The following TBC1D16 variants were observed in gnomAD, a reference collection of about 807,000 sequenced individuals.
TBC1D16 encodes the protein TBC1 domain family member 16.
A neutral mutation model predicts 74.7 loss-of-function variants in TBC1D16; 58 were observed. The ratio of observed to expected loss-of-function variants is 0.78; its 90% CI spans 0.63 to 0.97. The LOEUF (loss-of-function observed/expected upper bound fraction) is 0.97. Among genes scored for constraint, TBC1D16 ranks in the 50% least tolerant of loss-of-function variants. TBC1D16 has a pLI of 0.00. For missense variants in TBC1D16, 1,014 were observed against 1,079.5 expected (o/e 0.94, Z 0.85); for synonymous variants, 493 against 474.7 (o/e 1.04, Z -0.50).
rs1555886138 is a variant in TBC1D16 at position 80,025,565 on chromosome 17, G to GCCTGCTGGGAGCAGCCC, written c.-63+10229_-63+10230insGGGCTGCTCCCAGCAGG. On this transcript the variant is annotated intron_variant, in intron 1 of 11. Coordinates refer to ENST00000310924, the MANE Select transcript of TBC1D16 (RefSeq NM_019020.4). Reference sequence around the variant, plus strand: ...TCCTGGCACCTGGGCTTCGGGGCCCGCCTGCTGGGAGCAGCCGCCTGCTGG... The same window carrying GCCTGCTGGGAGCAGCCC: ...TCCTGGCACCTGGGCTTCGGGGCCCGCCTGCTGGGAGCAGCCCCCTGCTGGGAGCAGCCGCCTGCTGG... Among the ~76,000 whole-genome samples, 15 of 144,184 alleles carry GCCTGCTGGGAGCAGCCC rather than the reference G, an allele frequency of 1.0e-4. 1 individual carries two copies. Among genetic ancestry groups the GCCTGCTGGGAGCAGCCC allele is most frequent in the Admixed American group, 2.0e-4 (3 of 14,916 alleles). The allele number at this position is 144,184 out of a possible 152,430, so 94.6% of individuals were successfully genotyped here.
Position 79,954,209 on chromosome 17 carries a change from G to A in TBC1D16, c.780-1391C>T, listed in dbSNP as rs2033225553. Among the ~76,000 whole-genome samples the A allele has an allele frequency of 6.6e-6, 1 of 152,166 alleles. No individual in the cohort carries two copies. The highest frequency in any genetic ancestry group is 1.5e-5 in the Non-Finnish European group (1 of 68,030). On this transcript the variant is annotated intron_variant, in intron 3 of 11. Coordinates refer to ENST00000310924, the MANE Select transcript of TBC1D16 (RefSeq NM_019020.4). This position sits in a 1 kb window ranked among gnomAD's most constrained non-coding sequence, Gnocchi z 5.5. Reference sequence around the variant, plus strand: ...GCACCTGCCTTCCCGTTTGAGCTCAGAACATAAACTATTAGAGGCAATCAA... The same window carrying A: ...GCACCTGCCTTCCCGTTTGAGCTCAAAACATAAACTATTAGAGGCAATCAA...
In TBC1D16 at chr17:79,944,708, A is replaced by G. The variant is rs778306095; in HGVS notation, c.1908+200T>C. 6.6e-6 allele frequency among the ~76,000 whole-genome samples: 1 copy of G among 152,190 alleles called. No homozygotes were observed. The highest frequency in any genetic ancestry group is 1.5e-5 in the Non-Finnish European group (1 of 68,032). ...TGAGTGCAGTCAGCGGGCAATTTGC[A>G]TCGATTTCAGTGACTGGGGAGGCGA... is the stretch of plus-strand genomic sequence containing the variant. On this transcript the variant is annotated intron_variant, in intron 10 of 11. Transcript: ENST00000310924. This position sits in a 1 kb window ranked among gnomAD's most constrained non-coding sequence, Gnocchi z 7.7.
chr17:79,989,365 G>C (rs565364764), intron 3 of TBC1D16, among the ~76,000 whole-genome samples: 1 of 152,318 alleles, frequency 6.6e-6, no homozygotes, highest in East Asian at 1.9e-4. Flanking sequence ...CCTGGGCCTC[G>C]GGCCTGCCCT....
In TBC1D16 at chr17:79,952,813, G is replaced by C. The variant is rs559517523; in HGVS notation, c.785C>G (p.Pro262Arg). 6.8e-6 allele frequency: 11 copies of C among 1,606,966 alleles called. No homozygotes were observed. Among genetic ancestry groups the C allele is most frequent in the African/African-American group, 4.0e-5 (3 of 74,944 alleles). The change falls in exon 4 of 12, where the codon CCG (proline) becomes CGG (arginine). Residue 262 changes from proline to arginine, a missense_variant. Pro to Arg is a moderately radical substitution (Grantham distance 103, BLOSUM62 -2). Transcript: ENST00000310924. ...SVFLESDSSP[P>R]SSSDAGLRFP... ...CCGCAGGCCGGCGTCGGAGCTGGAC[G>C]GGGGGCTGGTGGAACAGGTTATGTG...
At chr17:79,953,329 C>T (rs1439517264) in intron 3 of TBC1D16, among the ~76,000 whole-genome samples, 1 of 152,194 alleles carries the variant, frequency 6.6e-6, no homozygotes, top group East Asian at 1.9e-4. Flanking sequence ...TCAGTTTATG[C>T]TTTTGGTTAG....
chr17:79,942,199 T>G lies in TBC1D16; in HGVS notation c.1916A>C (p.Tyr639Ser), dbSNP rs763759011. Residue 639 changes from tyrosine to serine, a missense_variant, in exon 11 of 12, where the codon TAC (tyrosine) becomes TCC (serine). Tyr to Ser is a moderately radical substitution (Grantham distance 144). Coordinates refer to ENST00000310924, the MANE Select transcript of TBC1D16 (RefSeq NM_019020.4). ...EACWAHYQTDYFHLFICVAIV... is the reference protein window; with the variant it reads ...EACWAHYQTDSFHLFICVAIV... Reference sequence around the variant, plus strand: ...GGCCACGCAGATGAAAAGGTGGAAGTAGTCCGTCTGTGGAGGCGGGTAGAG... The same window carrying G: ...GGCCACGCAGATGAAAAGGTGGAAGGAGTCCGTCTGTGGAGGCGGGTAGAG... 1 of 1,599,834 alleles carries G rather than the reference T, an allele frequency of 6.3e-7. No homozygotes were observed.
At position 79,944,530 on chromosome 17, in the gene TBC1D16, C is replaced by A. The variant is rs1051831010; in HGVS notation, c.1908+378G>T. On this transcript the variant is annotated intron_variant, in intron 10 of 11. Transcript: ENST00000310924. The surrounding 1 kb of genome is among the most constrained non-coding windows in gnomAD (Gnocchi z 7.7). The stretch of plus-strand genomic sequence containing the variant: ...GCAGGGTAACGGGTGAGTCGGCCCT[C>A]GTGGCAGGGCGGTCCCGAGGGGGTG... Among the ~76,000 whole-genome samples the A allele has an allele frequency of 7.2e-5, 11 of 152,120 alleles. No individual in the cohort carries two copies. Among genetic ancestry groups the A allele is most frequent in the African/African-American group, 2.7e-4 (11 of 41,426 alleles).
intron 1 of TBC1D16, among the ~76,000 whole-genome samples, chr17:80,026,883 G>T (rs1270419237): frequency 6.7e-6 from 1 of 149,394 alleles, no homozygotes; most frequent in Admixed American, 6.6e-5. Flanking sequence ...GGACATCCAG[G>T]TTCCCTTCTG....
rs869274383 is a variant in TBC1D16 at position 79,936,939 on chromosome 17, T to TGTGTGC, written c.*3919_*3920insGCACAC. The TGTGTGC allele has an allele frequency of 0.011, 1,688 of 148,932 alleles. 19 individuals are homozygous for TGTGTGC. The highest frequency in any genetic ancestry group is 0.031 in the Middle Eastern group (9 of 292). 9.2% of individuals were successfully genotyped at this position (148,932 alleles called of 1,614,324 possible). A position where few individuals can be genotyped will look rare whatever the true frequency, so the allele number is the denominator to read the frequency against. Reference sequence around the variant, plus strand: ...GTGTGTGTGTGTGTGTGTGTGTGTGTGCGCATTTTCCCAGGGGACCTCTCC... The same window carrying TGTGTGC: ...GTGTGTGTGTGTGTGTGTGTGTGTGTGTGTGCGCGCATTTTCCCAGGGGACCTCTCC... On this transcript the variant is annotated 3_prime_UTR_variant, in exon 12 of 12. Coordinates refer to ENST00000310924, the MANE Select transcript of TBC1D16 (RefSeq NM_019020.4).
chr17:80,031,300 T>C (rs2036767299), intron 1 of TBC1D16, among the ~76,000 whole-genome samples: 1 of 152,164 alleles, frequency 6.6e-6, no homozygotes, highest in Admixed American at 6.5e-5. Context: ...AAAATAAAGA[T>C]ACTGGCTGCA....
intron 3 of TBC1D16, among the ~76,000 whole-genome samples, chr17:79,972,967 A>C (rs1223937308): frequency 1.3e-5 from 2 of 152,126 alleles, no homozygotes; most frequent in Non-Finnish European, 2.9e-5. Context: ...CTGTAATCCC[A>C]GCTGCTCAGG....
chr17:80,010,149 C>G lies in TBC1D16; in HGVS notation c.779+11G>C. 30 of 1,602,110 alleles carry G rather than the reference C, an allele frequency of 1.9e-5. No homozygotes were observed. Among genetic ancestry groups the G allele is most frequent in the Non-Finnish European group, 2.5e-5 (29 of 1,173,634 alleles). Reference sequence around the variant, plus strand: ...CCTCCCGAGAGCCCACGCCCAGAACCAGGAACTCACCTGCTGTCACTTTCC... The same window carrying G: ...CCTCCCGAGAGCCCACGCCCAGAACGAGGAACTCACCTGCTGTCACTTTCC... On this transcript the variant is annotated intron_variant, in intron 3 of 11. Transcript: ENST00000310924. This position sits in a 1 kb window ranked among gnomAD's most constrained non-coding sequence, Gnocchi z 8.8.
At chr17:79,999,209 T>A (rs1443612545) in intron 3 of TBC1D16, among the ~76,000 whole-genome samples, 2 of 150,796 alleles carry the variant, frequency 1.3e-5, no homozygotes, top group South Asian at 4.2e-4. Context: ...TGAGCCAAGA[T>A]CACACCACTG....
chr17:79,968,105 GC>G (rs2033915742), intron 3 of TBC1D16, among the ~76,000 whole-genome samples: 1 of 152,214 alleles, frequency 6.6e-6, no homozygotes, highest in Non-Finnish European at 1.5e-5. Context: ...GGATCCTCAT[GC>G]CTCAGCCACC....
intron 3 of TBC1D16, among the ~76,000 whole-genome samples, chr17:79,999,533 C>CTTTTTTTT (rs71163906): frequency 1.4e-4 from 11 of 76,476 alleles, no homozygotes; most frequent in South Asian, 5.2e-4. Context: ...CCCCAAATTT[C>CTTTTTTTT]TTTTTTTTTT....
intron 3 of TBC1D16, among the ~76,000 whole-genome samples, chr17:79,974,143 G>A (rs1247318710): frequency 2.0e-5 from 3 of 152,218 alleles, no homozygotes; most frequent in African/African-American, 7.2e-5. Context: ...GACAGCTGGC[G>A]GGATGGAGGG....
Position 80,014,272 on chromosome 17 carries a change from G to A in TBC1D16, c.-62-663C>T, listed in dbSNP as rs183371228. Among the ~76,000 whole-genome samples, 63 of 152,176 alleles carry A rather than the reference G, an allele frequency of 4.1e-4. No homozygotes were observed. In the East Asian group the frequency reaches 0.012, roughly 29 times the overall value. On this transcript the variant is annotated intron_variant, in intron 1 of 11. Transcript: ENST00000310924. ...CTCGGGAGGCTAAGGCAGGTGAATC[G>A]CTTGAACCCAAGAGGCGGAGGGTGC... is the stretch of plus-strand genomic sequence containing the variant.
At chr17:79,997,624 A>C (rs2035324427) in intron 3 of TBC1D16, among the ~76,000 whole-genome samples, 1 of 152,226 alleles carries the variant, frequency 6.6e-6, no homozygotes, top group Non-Finnish European at 1.5e-5. Context: ...GAGTACAGCG[A>C]GTTTCCCCTC....
rs1199623552 is a variant in TBC1D16 at position 79,937,732 on chromosome 17, ATC to A, written c.*3125_*3126del. 2.6e-5 allele frequency: 4 copies of A among 152,246 alleles called. No homozygotes were observed. The highest frequency in any genetic ancestry group is 9.7e-5 in the African/African-American group (4 of 41,430). The allele number at this position is 152,246 out of a possible 1,614,324, so 9.4% of individuals were successfully genotyped here. On this transcript the variant is annotated 3_prime_UTR_variant, in exon 12 of 12. Transcript: ENST00000310924. ...ACCAGGCTCCTCGCTTCCTCCCCAG[ATC>A]TCTGAGTGCTCACCCGACCCCCCAA...
Sources: allele counts gnomAD v4.1 joint callset (sites outside exome capture counted in the v4.1 genomes callset), GRCh38; gene constraint gnomAD v4.1.1; non-coding constraint Gnocchi (gnomAD v3.1); transcripts MANE v1.5; gene names NCBI Gene and HGNC (gene_info 2026-07-23, HGNC 2026-07-21).